CCDC74B: variants seen among roughly 807,000 people sequenced by gnomAD.
CCDC74B encodes the protein coiled-coil domain containing 74B.
CCDC74B carries 34 observed loss-of-function variants against 38.0 expected under a neutral mutation model. The observed-to-expected ratio is 0.89, with a 90% CI of 0.68 to 1.19. The LOEUF (loss-of-function observed/expected upper bound fraction) is 1.19, where lower values mean the gene tolerates loss of function less well. Among genes scored for constraint, CCDC74B ranks in the 50% most tolerant of loss-of-function variants. The pLI is 0.00. For synonymous variants in CCDC74B, 132 were observed against 170.4 expected (o/e 0.77, Z 1.76); for missense variants, 358 against 406.0 (o/e 0.88, Z 1.02).
intron 1 of CCDC74B, among the ~76,000 whole-genome samples, 199 bp from the exon 2 acceptor site, chr2:130,143,512 C>T (rs1368987828): frequency 6.6e-6 from 1 of 152,222 alleles, no homozygotes; most frequent in Non-Finnish European, 1.5e-5. Context: ...CTGCCTGTTC[C>T]CTAGGCAGAG....
chr2:130,142,001 C>G, intron 3 of CCDC74B, 132 bp downstream of exon 3: 1 of 1,398,228 alleles, frequency 7.2e-7, no homozygotes, highest in Non-Finnish European at 9.4e-7. Context: ...CTCTTTTCAG[C>G]TGCACCTTCA....
At position 130,144,296 on chromosome 2, in the gene CCDC74B, C is replaced by G. The variant is rs1485511875; in HGVS notation, c.250+451G>C. ...CTGGGACTACAGACGCCCACCACCA[C>G]ACCCAGCTAACTTTTTGTATTTTTA... is the stretch of plus-strand genomic sequence containing the variant. On this transcript the variant is annotated intron_variant, in intron 1 of 7. Transcript: ENST00000409943. 1.7e-5 allele frequency: 8 copies of G among 474,082 alleles called. No individual in the cohort carries two copies. The Admixed American group carries it at 2.2e-4, about 13-fold the overall frequency. The allele number at this position is 474,082 out of a possible 1,614,324, so 29.4% of individuals were successfully genotyped here.
chr2:130,142,205 C>T lies in CCDC74B; in HGVS notation c.296-22G>A, dbSNP rs371953371. 142 of 1,611,372 alleles carry T rather than the reference C, an allele frequency of 8.8e-5. No homozygotes were observed. The highest frequency in any genetic ancestry group is 1.7e-4 in the African/African-American group (13 of 74,814). On this transcript the variant is annotated intron_variant, in intron 2 of 7. Transcript: ENST00000409943. ...CTGTCTGCAGGAGAGCGCACAGTGT[C>T]GGCGCTACCGCCCGCAAGACGCCCA...
intron 7 of CCDC74B, 95 bp from the exon 8 acceptor site, chr2:130,139,785 G>T (rs1447934064): frequency 2.5e-6 from 4 of 1,606,758 alleles, no homozygotes; most frequent in African/African-American, 1.3e-5. Flanking sequence ...GGCACAGAGA[G>T]GCCTCAGCGA....
Position 130,145,033 on chromosome 2 carries a change from C to T in CCDC74B, c.-37G>A, listed in dbSNP as rs1242709459. On this transcript the variant is annotated 5_prime_UTR_variant, in exon 1 of 8. In the 5' UTR this introduces an upstream ATG that the reference lacks. Coordinates refer to ENST00000409943, the MANE Select transcript of CCDC74B (RefSeq NM_001258307.2). ...CAGGTACTCTCCCGCTGCCACTGCA[C>T]CCCGGCTCAGTGGCCAGGCCGCCCT... 7.1e-7 allele frequency: 1 copy of T among 1,405,766 alleles called. No individual in the cohort carries two copies. Among genetic ancestry groups the T allele is most frequent in the Admixed American group, 3.2e-5 (1 of 31,224 alleles). 87.1% of individuals were successfully genotyped at this position (1,405,766 alleles called of 1,614,324 possible).
intron 2 of CCDC74B, 190 bp from the exon 3 acceptor site, chr2:130,142,373 A>G (rs1205042725): frequency 1.2e-6 from 2 of 1,613,290 alleles, no homozygotes; most frequent in Non-Finnish European, 1.7e-6. Context: ...TGGTTTCCTG[A>G]GGGGCCATCT....
Position 130,139,359 on chromosome 2 carries a change from A to G in CCDC74B, c.*196T>C. The G allele has an allele frequency of 5.9e-6, 4 of 678,456 alleles. No individual in the cohort carries two copies. In the South Asian group the frequency reaches 8.0e-5, roughly 14 times the overall value. The allele number at this position is 678,456 out of a possible 1,614,324, so 42.0% of individuals were successfully genotyped here. A position where few individuals can be genotyped will look rare whatever the true frequency, so the allele number is the denominator to read the frequency against. The stretch of plus-strand genomic sequence containing the variant: ...CCTGCTTCATCGTGTGCTTTTATGT[A>G]AATGCCAAATAGCAAAATAACAGCT... On this transcript the variant is annotated 3_prime_UTR_variant, in exon 8 of 8. Transcript: ENST00000409943.
At chr2:130,140,507 C>T (rs1573631460) in intron 4 of CCDC74B, 136 bp from the exon 5 acceptor site, 5 of 992,048 alleles carry the variant, frequency 5.0e-6, no homozygotes, top group Non-Finnish European at 7.4e-6. Context: ...GAGCAGGGTG[C>T]TCTGGGCACC....
chr2:130,144,518 C>G (rs1376095002), intron 1 of CCDC74B: 27 of 1,548,912 alleles, frequency 1.7e-5, no homozygotes, highest in Non-Finnish European at 2.4e-5. Context: ...ATCTGAAATG[C>G]TGCTGCCCTA....
intron 2 of CCDC74B, 186 bp downstream of exon 2, chr2:130,143,083 G>A (rs773102736): frequency 2.0e-6 from 3 of 1,485,244 alleles, no homozygotes; most frequent in Admixed American, 4.8e-5. Context: ...AGCACGTGCT[G>A]TGCTTGGCTG....
At chr2:130,139,990 C>G in intron 6 of CCDC74B, 33 bp downstream of exon 6, 2 of 1,600,674 alleles carry the variant, frequency 1.2e-6, no homozygotes, top group Non-Finnish European at 1.7e-6. Context: ...GATAGGCCCC[C>G]AGGGATGGGG....
chr2:130,144,846 G>C lies in CCDC74B; in HGVS notation c.151C>G (p.Leu51Val). ...AACTGTAGGCTCTTCTCCAGGTCCA[G>C]GTTCCGTTTCTGCGGGTCGCTCTGC... ...LRQSDPQKRN[L>V]DLEKSLQFLQ... is the part of the protein sequence containing the mutation. Residue 51 changes from leucine (L) to valine (V), a missense_variant, in exon 1 of 8, where the codon CTG becomes GTG. This residue lies in a region of CCDC74B where 128 missense variants were observed against 146.7 expected (regional missense o/e 0.87). Coordinates refer to ENST00000409943, the MANE Select transcript of CCDC74B (RefSeq NM_001258307.2). 6 of 1,613,582 alleles carry C rather than the reference G, an allele frequency of 3.7e-6. No homozygotes were observed. Among genetic ancestry groups the C allele is most frequent in the South Asian group, 1.1e-5 (1 of 91,078 alleles).
At chr2:130,141,441 G>A (rs1381070098) in intron 3 of CCDC74B, 145 bp from the exon 4 acceptor site, 1 of 1,274,290 alleles carries the variant, frequency 7.8e-7, no homozygotes, top group East Asian at 2.5e-5. Context: ...AGGGAAGCCT[G>A]CCTTGGAGGG....
intron 2 of CCDC74B, chr2:130,142,833 G>A: frequency 6.5e-7 from 1 of 1,550,230 alleles, no homozygotes; most frequent in Non-Finnish European, 8.7e-7. Flanking sequence ...TGGCAGGAAG[G>A]GATCCCTGGA....
At chr2:130,143,207 C>T (rs547792668) in intron 2 of CCDC74B, 62 bp downstream of exon 2, 1 of 1,586,090 alleles carries the variant, frequency 6.3e-7, no homozygotes, top group East Asian at 2.2e-5. Flanking sequence ...CAAGGACAGT[C>T]TGGAGGGGCT....
chr2:130,144,700 G>C (rs1685920206), intron 1 of CCDC74B, 47 bp downstream of exon 1: 1 of 1,602,974 alleles, frequency 6.2e-7, no homozygotes, highest in South Asian at 1.1e-5. Context: ...GCAGTGTTGA[G>C]TGTGCCTGGG....
intron 3 of CCDC74B, 57 bp downstream of exon 3, chr2:130,142,076 G>C: frequency 1.3e-6 from 2 of 1,594,844 alleles, no homozygotes; most frequent in Non-Finnish European, 1.7e-6. Flanking sequence ...GGCCACCCAG[G>C]CTGGGGTCCC....
chr2:130,143,407 G>C (rs142807182), intron 1 of CCDC74B, 94 bp from the exon 2 acceptor site: 6 of 1,528,608 alleles, frequency 3.9e-6, no homozygotes, highest in Non-Finnish European at 5.4e-6. Context: ...TGCTGAGCCC[G>C]AAAGTCCTGC....
intron 1 of CCDC74B, among the ~76,000 whole-genome samples, chr2:130,143,907 G>A (rs1383407715): frequency 1.3e-5 from 2 of 149,978 alleles, no homozygotes; most frequent in African/African-American, 4.9e-5. Context: ...CCTCCTGCTC[G>A]GGGCAGGAGG....
Sources: gnomAD v4.1 joint callset for allele counts (sites outside exome capture counted in the v4.1 genomes callset) on GRCh38, gnomAD v4.1.1 for gene constraint, gnomAD v4.1.1 regional missense constraint, MANE v1.5 for transcripts, NCBI Gene and HGNC (gene_info 2026-07-23, HGNC 2026-07-21) for gene names.